CACNA2D3: variants seen among roughly 807,000 people sequenced by gnomAD.
CACNA2D3 encodes voltage-dependent calcium channel subunit alpha-2/delta-3.
Under a neutral mutation model 160.6 loss-of-function variants are expected in CACNA2D3, and 60 were observed. The observed-to-expected ratio is 0.37, with a 90% CI of 0.30 to 0.46. CACNA2D3 has a LOEUF of 0.46. CACNA2D3 is among the 20% of genes least tolerant of loss of function. The probability of loss-of-function intolerance (pLI) is 1.00; values close to 1 mark genes in which losing one functional copy is unlikely to be tolerated. For missense variants in CACNA2D3, 1,205 were observed against 1,365.0 expected, an observed-to-expected ratio of 0.88 and a Z score of 1.85; for synonymous variants, 558 against 492.9, an observed-to-expected ratio of 1.13 and a Z score of -1.75.
intron 29 of CACNA2D3, among the ~76,000 whole-genome samples, chr3:54,972,517 C>T (rs923715486): frequency 2.6e-5 from 4 of 152,058 alleles, no homozygotes; most frequent in African/African-American, 9.7e-5. Context: ...GATCAGGTCT[C>T]CATTAAAAAC....
At chr3:54,613,293 T>C (rs776912977) in intron 9 of CACNA2D3, among the ~76,000 whole-genome samples, 14 of 152,242 alleles carry the variant, frequency 9.2e-5, no homozygotes, top group Non-Finnish European at 1.5e-4. Flanking sequence ...GTTTCCTGTA[T>C]TGGTGTGTCA....
Position 55,073,826 on chromosome 3 carries a change from G to A in CACNA2D3, c.3150G>A (p.Arg1050=). ...CERLKAQKIR[R]RPESCHGFHP... ...GTCTAAAGGCCCAGAAGATCAGAAG[G>A]CGCCCAGAATCTTGTCATGGCTTCC... Residue 1050 remains arginine, a synonymous_variant, in exon 37 of 38, where the codon AGG becomes AGA. Coordinates refer to ENST00000474759, the MANE Select transcript of CACNA2D3 (RefSeq NM_018398.3). 1 of 1,613,818 alleles carries A rather than the reference G, an allele frequency of 6.2e-7. No homozygotes were observed. The highest frequency in any genetic ancestry group is 8.5e-7 in the Non-Finnish European group (1 of 1,179,814).
chr3:54,885,292 T>C lies in CACNA2D3; in HGVS notation c.1924T>C (p.Leu642=), dbSNP rs1308670715. Residue 642 remains leucine, a synonymous_variant, in exon 22 of 38, where the codon TTA becomes CTA. Transcript: ENST00000474759. ...NVTIEEGLHD[L]EHPDVSLADE... ...TCCTTGACCCCCAGGCCTGCATGAC[T>C]TAGAACATCCCGATGTGTCCTTGGC... is the stretch of plus-strand genomic sequence containing the variant. 6.2e-7 allele frequency: 1 copy of C among 1,613,928 alleles called. No homozygotes were observed. The highest frequency in any genetic ancestry group is 1.3e-5 in the African/African-American group (1 of 75,026).
intron 4 of CACNA2D3, among the ~76,000 whole-genome samples, chr3:54,405,366 A>G (rs759953434): frequency 9.2e-5 from 14 of 152,056 alleles, no homozygotes; most frequent in Non-Finnish European, 1.9e-4. Flanking sequence ...ACTGGCAAAA[A>G]GCAGACACAT....
chr3:54,746,028 C>G (rs1575454286), intron 11 of CACNA2D3, among the ~76,000 whole-genome samples: 1 of 152,188 alleles, frequency 6.6e-6, no homozygotes, highest in Admixed American at 6.5e-5. Context: ...TTGCCTTTCT[C>G]TTCCTTCTGG....
chr3:54,378,340 G>T (rs952454387), intron 3 of CACNA2D3, among the ~76,000 whole-genome samples: 2 of 152,178 alleles, frequency 1.3e-5, no homozygotes, highest in Admixed American at 6.5e-5. Flanking sequence ...TAGAGTTCAT[G>T]CTCCTATGAG....
chr3:54,693,405 T>C (rs1355657435), intron 11 of CACNA2D3, among the ~76,000 whole-genome samples: 1 of 152,250 alleles, frequency 6.6e-6, no homozygotes, highest in Non-Finnish European at 1.5e-5. Flanking sequence ...TTTGTGGTGA[T>C]GCTGGTGTAA....
chr3:55,001,024 G>A lies in CACNA2D3; in HGVS notation c.2691-3739G>A, dbSNP rs1288871654. On this transcript the variant is annotated intron_variant, in intron 31 of 37. Transcript: ENST00000474759. ...ATTTATTTAGGCTGGCTAAGACTTGGTTTTCCCCTCTGTAAAATGGAGATG... is the reference window on the plus strand; with the variant it reads ...ATTTATTTAGGCTGGCTAAGACTTGATTTTCCCCTCTGTAAAATGGAGATG... Among the ~76,000 whole-genome samples the A allele has an allele frequency of 3.9e-5, 6 of 152,216 alleles. No homozygotes were observed. In the East Asian group the frequency reaches 1.2e-3, roughly 29 times the overall value.
At chr3:54,864,717 G>T (rs988851815) in intron 17 of CACNA2D3, among the ~76,000 whole-genome samples, 3 of 152,122 alleles carry the variant, frequency 2.0e-5, no homozygotes, top group Non-Finnish European at 4.4e-5. Flanking sequence ...GGGTCTTCTG[G>T]GTCCAGTCCC....
At chr3:54,793,248 T>C (rs1419807675) in intron 13 of CACNA2D3, among the ~76,000 whole-genome samples, 1 of 152,256 alleles carries the variant, frequency 6.6e-6, no homozygotes, top group Non-Finnish European at 1.5e-5. Context: ...TCGTAAATAC[T>C]TGTTGGTTTA....
intron 3 of CACNA2D3, among the ~76,000 whole-genome samples, chr3:54,349,626 GCTT>G (rs1227541358): frequency 6.6e-6 from 1 of 151,990 alleles, no homozygotes; most frequent in Non-Finnish European, 1.5e-5. Context: ...TCACCCACAA[GCTT>G]CTTTTTTCTT....
intron 9 of CACNA2D3, among the ~76,000 whole-genome samples, chr3:54,622,707 A>G (rs1205022751): frequency 3.3e-5 from 5 of 152,212 alleles, no homozygotes; most frequent in African/African-American, 7.2e-5. Context: ...AACTGGGAGT[A>G]GAGAAAAATA....
At chr3:54,204,663 G>A (rs937040888) in intron 2 of CACNA2D3, among the ~76,000 whole-genome samples, 3 of 151,998 alleles carry the variant, frequency 2.0e-5, no homozygotes, top group Admixed American at 6.6e-5. Context: ...GGATGTGGTG[G>A]CACATGCCTG....
intron 3 of CACNA2D3, among the ~76,000 whole-genome samples, chr3:54,353,748 G>A (rs1319731835): frequency 6.6e-6 from 1 of 152,148 alleles, no homozygotes; most frequent in East Asian, 1.9e-4. Context: ...AAATGCCAGA[G>A]AAATTAGCCA....
At chr3:55,064,853 A>G (rs938238336) in intron 35 of CACNA2D3, among the ~76,000 whole-genome samples, 3 of 152,142 alleles carry the variant, frequency 2.0e-5, no homozygotes, top group African/African-American at 7.2e-5. Context: ...ATAGAGGGTA[A>G]CACCATTAAG....
intron 17 of CACNA2D3, among the ~76,000 whole-genome samples, chr3:54,862,378 TACACACACACAC>T (rs113055285): frequency 2.0e-5 from 3 of 149,558 alleles, no homozygotes; most frequent in East Asian, 2.0e-4. Context: ...TAAATAAAAT[TACACACACACAC>T]ACACACACAC....
intron 2 of CACNA2D3, among the ~76,000 whole-genome samples, chr3:54,249,558 T>C (rs867813582): frequency 8.1e-6 from 1 of 123,806 alleles, no homozygotes; most frequent in African/African-American, 3.5e-5. Context: ...TCTGTTTACG[T>C]ACACACACAC....
chr3:55,033,587 T>TATATAC (rs1368915714), intron 35 of CACNA2D3, among the ~76,000 whole-genome samples: 2 of 33,840 alleles, frequency 5.9e-5, no homozygotes, highest in Admixed American at 4.3e-4. Context: ...TGTGTGTGTA[T>TATATAC]ATATATATAT....
chr3:54,701,478 G>GT (rs996692040), intron 11 of CACNA2D3, among the ~76,000 whole-genome samples: 17 of 152,000 alleles, frequency 1.1e-4, no homozygotes, highest in African/African-American at 3.4e-4. Flanking sequence ...TGTTATAAAT[G>GT]TTTTTTTCCC....
Sources: allele counts gnomAD v4.1 joint callset (sites outside exome capture counted in the v4.1 genomes callset), GRCh38; gene constraint gnomAD v4.1.1; transcripts MANE v1.5; gene names NCBI Gene and HGNC (gene_info 2026-07-23, HGNC 2026-07-21).